The following PCDHGA8 variants were observed in gnomAD, a reference collection of about 807,000 sequenced individuals.
PCDHGA8 encodes the protein protocadherin gamma subfamily A, 8.
PCDHGA8 carries 45 observed loss-of-function variants against 59.2 expected under a neutral mutation model. That is an observed-to-expected ratio of 0.76 (90% CI 0.60 to 0.98). PCDHGA8 has a LOEUF of 0.98. Among genes scored for constraint, PCDHGA8 ranks in the 50% least tolerant of loss-of-function variants. The pLI, the probability that PCDHGA8 is intolerant of heterozygous loss-of-function variation, is 0.00. For synonymous variants in PCDHGA8, 531 were observed against 519.0 expected (o/e 1.02, Z -0.32); for missense variants, 1,257 against 1,196.2 (o/e 1.05, Z -0.75).
chr5:141,472,980 C>CAAAAAAAAAAAAAAAAAAAGAAAAAAAAA (rs60579131), intron 1 of PCDHGA8, among the ~76,000 whole-genome samples: 1 of 86,106 alleles, frequency 1.2e-5, no homozygotes, highest in Admixed American at 1.2e-4. Context: ...GAGTGAAACT[C>CAAAAAAAAAAAAAAAAAAAGAAAAAAAAA]AAAAAAAAAA....
chr5:141,484,653 C>G (rs2099598614), intron 1 of PCDHGA8, among the ~76,000 whole-genome samples: 1 of 152,036 alleles, frequency 6.6e-6, no homozygotes, highest in Non-Finnish European at 1.5e-5. Flanking sequence ...AATGGCTACT[C>G]TCCCTCTCAG....
At chr5:141,435,497 C>T (rs1234443531) in intron 1 of PCDHGA8, among the ~76,000 whole-genome samples, 1 of 152,154 alleles carries the variant, frequency 6.6e-6, no homozygotes, top group African/African-American at 2.4e-5. Context: ...ATTTCCTACA[C>T]TAATGATACT....
chr5:141,436,590 C>T (rs1050788291), intron 1 of PCDHGA8, among the ~76,000 whole-genome samples: 10 of 152,102 alleles, frequency 6.6e-5, no homozygotes, highest in East Asian at 1.9e-4. Context: ...TTTGAAAGGT[C>T]GTGGTGATGG....
rs1457099502 is a variant in PCDHGA8 at position 141,477,430 on chromosome 5, A to G, written c.2425-17377A>G. The G allele has an allele frequency of 1.2e-6, 2 of 1,614,162 alleles. No individual in the cohort carries two copies. The highest frequency in any genetic ancestry group is 1.7e-6 in the Non-Finnish European group (2 of 1,180,020). Reference sequence around the variant, plus strand: ...GAGACGCCGGAACCCCTTCCCTCTCAGCCCTTACAATAGTGCGTGTTCAAG... The same window carrying G: ...GAGACGCCGGAACCCCTTCCCTCTCGGCCCTTACAATAGTGCGTGTTCAAG... On this transcript the variant is annotated intron_variant, in intron 1 of 3. Transcript: ENST00000398604. This position sits in a 1 kb window ranked among gnomAD's most constrained non-coding sequence, Gnocchi z 4.9.
In PCDHGA8 at chr5:141,476,299, C is replaced by G; in HGVS notation, c.2425-18508C>G. On this transcript the variant is annotated intron_variant, in intron 1 of 3. Transcript: ENST00000398604. This position sits in a 1 kb window ranked among gnomAD's most constrained non-coding sequence, Gnocchi z 7.6. The stretch of plus-strand genomic sequence containing the variant: ...ACCTTGGTTTGGATCTCGGTAGCCT[C>G]TCAGCCCGCAGGTTCCGGGTGGTGT... The G allele has an allele frequency of 6.2e-7, 1 of 1,614,100 alleles. No individual in the cohort carries two copies. The highest frequency in any genetic ancestry group is 8.5e-7 in the Non-Finnish European group (1 of 1,180,014).
In PCDHGA8 at chr5:141,486,269, G is replaced by T; in HGVS notation, c.2425-8538G>T. 6.2e-7 allele frequency: 1 copy of T among 1,613,996 alleles called. No homozygotes were observed. The highest frequency in any genetic ancestry group is 8.5e-7 in the Non-Finnish European group (1 of 1,179,956). On this transcript the variant is annotated intron_variant, in intron 1 of 3. Transcript: ENST00000398604. The surrounding 1 kb of genome is among the most constrained non-coding windows in gnomAD (Gnocchi z 5.0). ...AACCCTCCCCGAGAGTGCAGAACCT[G>T]GCACTGTGGTGGCACTTATCAGTGT...
chr5:141,403,405 T>A, intron 1 of PCDHGA8: 4 of 1,614,060 alleles, frequency 2.5e-6, no homozygotes, highest in Non-Finnish European at 3.4e-6. Flanking sequence ...CTGGAGCACG[T>A]TATCCACTTC....
In PCDHGA8 at chr5:141,486,043, A is replaced by G. The variant is rs1193580610; in HGVS notation, c.2425-8764A>G. 6.2e-7 allele frequency: 1 copy of G among 1,614,050 alleles called. No homozygotes were observed. Among genetic ancestry groups the G allele is most frequent in the African/African-American group, 1.3e-5 (1 of 74,918 alleles). ...GTGGTCATACCCCTGATCGTGTAAG[A>G]AACCTCTTTAGCCTGCACCCCACTA... On this transcript the variant is annotated intron_variant, in intron 1 of 3. Transcript: ENST00000398604. This position sits in a 1 kb window ranked among gnomAD's most constrained non-coding sequence, Gnocchi z 5.0.
intron 1 of PCDHGA8, among the ~76,000 whole-genome samples, chr5:141,481,194 T>C (rs74538051): frequency 0.017 from 2,576 of 152,298 alleles, 78 homozygotes; most frequent in African/African-American, 0.059. Context: ...CCAGGCCCAA[T>C]TTTTTTAAAA....
In PCDHGA8 at chr5:141,400,695, G is replaced by A. The variant is rs187552551; in HGVS notation, c.2424+5458G>A. On this transcript the variant is annotated intron_variant, in intron 1 of 3. Transcript: ENST00000398604. The stretch of plus-strand genomic sequence containing the variant: ...GCAGTAAATTGTGAGTTTTTATGTC[G>A]CATAAAAGAAGTAGCCTTATAGATT... 1.8e-5 allele frequency: 14 copies of A among 759,510 alleles called. No homozygotes were observed. The Admixed American group carries it at 4.0e-4, about 22-fold the overall frequency. The allele number at this position is 759,510 out of a possible 1,614,324, so 47.0% of individuals were successfully genotyped here.
chr5:141,432,997 G>A lies in PCDHGA8; in HGVS notation c.2424+37760G>A, dbSNP rs778828769. ...CGCACTTTGTGGGCGTGGACGGGGT[G>A]CAGGCTTTCCTGCAGACCTATTCCC... is the stretch of plus-strand genomic sequence containing the variant. On this transcript the variant is annotated intron_variant, in intron 1 of 3. Coordinates refer to ENST00000398604, the MANE Select transcript of PCDHGA8 (RefSeq NM_032088.2). This position sits in a 1 kb window ranked among gnomAD's most constrained non-coding sequence, Gnocchi z 6.0. 5 of 1,614,082 alleles carry A rather than the reference G, an allele frequency of 3.1e-6. No homozygotes were observed. In the Admixed American group the frequency reaches 8.3e-5, roughly 27 times the overall value.
chr5:141,403,849 G>A, intron 1 of PCDHGA8: 1 of 1,613,560 alleles, frequency 6.2e-7, no homozygotes, highest in East Asian at 2.2e-5. Flanking sequence ...AAAATACTGG[G>A]GAAATATCAA....
intron 1 of PCDHGA8, chr5:141,408,201 C>A: frequency 6.5e-7 from 1 of 1,549,032 alleles, no homozygotes; most frequent in Non-Finnish European, 8.7e-7. Context: ...CCCGAGCGAA[C>A]GATGGGAGGG....
At chr5:141,397,896 C>G (rs371654961) in intron 1 of PCDHGA8, 48 of 650,728 alleles carry the variant, frequency 7.4e-5, no homozygotes, top group African/African-American at 2.0e-4. Flanking sequence ...GGCCAAAGTG[C>G]AGAGCTTGGC....
At chr5:141,399,479 C>G (rs774561101) in intron 1 of PCDHGA8, 2 of 1,614,032 alleles carry the variant, frequency 1.2e-6, no homozygotes, top group East Asian at 4.5e-5. Context: ...TTCCACCAGG[C>G]GTCCTACTTA....
chr5:141,405,375 C>T lies in PCDHGA8; in HGVS notation c.2424+10138C>T, dbSNP rs368501516. On this transcript the variant is annotated intron_variant, in intron 1 of 3. Transcript: ENST00000398604. ...CCTATAGAAGACACCCCTTTGGTTC[C>T]GGTGAGTTCATTTTTTTTCTTTCTT... The T allele has an allele frequency of 3.2e-5, 51 of 1,602,124 alleles. No individual in the cohort carries two copies. Among genetic ancestry groups the T allele is most frequent in the East Asian group, 6.7e-5 (3 of 44,850 alleles).
chr5:141,489,962 C>A lies in PCDHGA8; in HGVS notation c.2425-4845C>A. The A allele has an allele frequency of 6.2e-7, 1 of 1,614,184 alleles. No individual in the cohort carries two copies. The highest frequency in any genetic ancestry group is 8.5e-7 in the Non-Finnish European group (1 of 1,180,008). ...CTGGACATCAATGATAATGCTCCAA[C>A]CTTCCAATCCTCAGTTCTACGTGTG... is the stretch of plus-strand genomic sequence containing the variant. On this transcript the variant is annotated intron_variant, in intron 1 of 3. Transcript: ENST00000398604. This position sits in a 1 kb window ranked among gnomAD's most constrained non-coding sequence, Gnocchi z 4.5.
At chr5:141,470,942 C>T (rs1156728317) in intron 1 of PCDHGA8, among the ~76,000 whole-genome samples, 1 of 152,020 alleles carries the variant, frequency 6.6e-6, no homozygotes, top group Non-Finnish European at 1.5e-5. Context: ...GTCTCAAATT[C>T]CTGGCCTCAA....
rs771341809 is a variant in PCDHGA8 at position 141,404,607 on chromosome 5, T to C, written c.2424+9370T>C. 5 of 1,613,938 alleles carry C rather than the reference T, an allele frequency of 3.1e-6. No homozygotes were observed. The African/African-American group carries it at 6.7e-5, about 22-fold the overall frequency. ...AGCAATGTGTCATTGAGACTGTTTG[T>C]TTTGGACCAGAATGACAATGCCCCA... On this transcript the variant is annotated intron_variant, in intron 1 of 3. Coordinates refer to ENST00000398604, the MANE Select transcript of PCDHGA8 (RefSeq NM_032088.2).
Sources: gnomAD v4.1 joint callset for allele counts (sites outside exome capture counted in the v4.1 genomes callset) on GRCh38, gnomAD v4.1.1 for gene constraint, Gnocchi (gnomAD v3.1) non-coding constraint, MANE v1.5 for transcripts, NCBI Gene and HGNC (gene_info 2026-07-23, HGNC 2026-07-21) for gene names.